The following ANKRD55 variants were observed in gnomAD, a reference collection of about 807,000 sequenced individuals.
The protein encoded by ANKRD55 is ankyrin repeat domain-containing protein 55.
Under a neutral mutation model 60.6 loss-of-function variants are expected in ANKRD55, and 41 were observed. That is an observed-to-expected ratio of 0.68 (90% CI 0.53 to 0.88). The LOEUF is 0.88. Among genes scored for constraint, ANKRD55 ranks in the 40% least tolerant of loss-of-function variants. The probability of loss-of-function intolerance (pLI) is 0.00; values close to 1 mark genes in which losing one functional copy is unlikely to be tolerated. For synonymous variants in ANKRD55, 264 were observed against 290.3 expected (o/e 0.91, Z 0.92); for missense variants, 732 against 767.6 (o/e 0.95, Z 0.55).
rs543236188 is a variant in ANKRD55, at chr5:56,152,714, C to T, written c.483+7119G>A. Among the ~76,000 whole-genome samples, 4 of 152,132 alleles carry T rather than the reference C, an allele frequency of 2.6e-5. No individual in the cohort carries two copies. In the South Asian group the frequency reaches 8.3e-4, roughly 32 times the overall value. On this transcript the variant is annotated intron_variant, in intron 6 of 11. Coordinates refer to ENST00000341048, the MANE Select transcript of ANKRD55 (RefSeq NM_024669.3). ...TCAGTGTTAACCGCAGTGTGGATAACTTCTAAATAAGTCAGTTTATAATTA... is the reference window on the plus strand; with the variant it reads ...TCAGTGTTAACCGCAGTGTGGATAATTTCTAAATAAGTCAGTTTATAATTA...
At chr5:56,161,734 C>T (rs1412146376) in intron 5 of ANKRD55, among the ~76,000 whole-genome samples, 1 of 152,092 alleles carries the variant, frequency 6.6e-6, no homozygotes, top group East Asian at 1.9e-4. Context: ...GGGGTAGTAA[C>T]GCAGTGGTGT....
intron 6 of ANKRD55, among the ~76,000 whole-genome samples, chr5:56,149,565 T>A (rs145854674): frequency 6.6e-6 from 1 of 152,206 alleles, no homozygotes; most frequent in African/African-American, 2.4e-5. Flanking sequence ...TACATTCTTC[T>A]GCACTAAACT....
At chr5:56,109,079 A>ACACC (rs1554036215) in intron 10 of ANKRD55, among the ~76,000 whole-genome samples, 21 of 140,330 alleles carry the variant, frequency 1.5e-4, no homozygotes, top group Admixed American at 2.8e-4. Context: ...ACACACACAC[A>ACACC]CCCCACCGCC....
intron 3 of ANKRD55, among the ~76,000 whole-genome samples, chr5:56,180,932 C>T (rs554534731): frequency 2.6e-5 from 4 of 152,178 alleles, no homozygotes; most frequent in Non-Finnish European, 5.9e-5. Context: ...GGGCCAGTGG[C>T]TCACACCTGT....
rs1200720632 is a variant in ANKRD55 at position 56,197,754 on chromosome 5, A to T, written c.59-14120T>A. ...CATAAATTTCAGAGGAGTTTTTCTT[A>T]CTGTAATGAGATACGAAAATAAACC... On this transcript the variant is annotated intron_variant, in intron 2 of 11. Coordinates refer to ENST00000341048, the MANE Select transcript of ANKRD55 (RefSeq NM_024669.3). Among the ~76,000 whole-genome samples the T allele has an allele frequency of 9.9e-5, 15 of 152,284 alleles. 1 individual carries two copies. The highest frequency in any genetic ancestry group is 1.9e-4 in the Non-Finnish European group (13 of 67,994).
At chr5:56,168,404 A>C (rs1758533810) in intron 5 of ANKRD55, among the ~76,000 whole-genome samples, 1 of 152,206 alleles carries the variant, frequency 6.6e-6, no homozygotes, top group African/African-American at 2.4e-5. Flanking sequence ...GTCACTTAGG[A>C]GACAGCTCGG....
chr5:56,220,363 G>A (rs1447680519), intron 2 of ANKRD55, among the ~76,000 whole-genome samples: 2 of 152,142 alleles, frequency 1.3e-5, no homozygotes, highest in Non-Finnish European at 2.9e-5. Context: ...TGTCCTAGGG[G>A]GTAAGAAATG....
At chr5:56,137,658 A>G in intron 7 of ANKRD55, 1 of 490,488 alleles carries the variant, frequency 2.0e-6, no homozygotes, top group South Asian at 2.4e-5. Flanking sequence ...ATAATAATCC[A>G]TGGAAGAAAA....
At chr5:56,115,913 G>T (rs1308666943) in intron 9 of ANKRD55, among the ~76,000 whole-genome samples, 1 of 151,950 alleles carries the variant, frequency 6.6e-6, no homozygotes, top group Admixed American at 6.6e-5. Context: ...GGAGTGCAAT[G>T]GAGTGATCTC....
At position 56,127,177 on chromosome 5, in the gene ANKRD55, T is replaced by C. The variant is rs958116671; in HGVS notation, c.613-71A>G. 8 of 1,294,898 alleles carry C rather than the reference T, an allele frequency of 6.2e-6. No individual in the cohort carries two copies. The East Asian group carries it at 1.1e-4, about 19-fold the overall frequency. 80.2% of individuals were successfully genotyped at this position (1,294,898 alleles called of 1,614,324 possible). The stretch of plus-strand genomic sequence containing the variant: ...TCTTCTCTGTCTAGGCATGTTAAGA[T>C]AAAAATACAAAGGAAAAAAAGGAAA... On this transcript the variant is annotated intron_variant, in intron 7 of 11. Coordinates refer to ENST00000341048, the MANE Select transcript of ANKRD55 (RefSeq NM_024669.3).
intron 2 of ANKRD55, among the ~76,000 whole-genome samples, chr5:56,206,052 C>T (rs1175453866): frequency 2.0e-5 from 3 of 151,366 alleles, no homozygotes; most frequent in East Asian, 1.9e-4. Context: ...CACAGTTCAC[C>T]GCAGCCTCAA....
intron 7 of ANKRD55, chr5:56,136,957 T>A: frequency 2.0e-6 from 1 of 510,246 alleles, no homozygotes; most frequent in Non-Finnish European, 3.7e-6. Flanking sequence ...TTTCCCTAAG[T>A]GGCCTCAGCT....
rs772702913 is a variant in ANKRD55, at chr5:56,183,624, A to G, written c.69T>C (p.Ser23=). 8.1e-6 allele frequency: 13 copies of G among 1,614,170 alleles called. No homozygotes were observed. In the South Asian group the frequency reaches 1.3e-4, roughly 16 times the overall value. The change falls in exon 3 of 12, where the codon TCT becomes TCC. Residue 23 remains serine, a synonymous_variant. Coordinates refer to ENST00000341048, the MANE Select transcript of ANKRD55 (RefSeq NM_024669.3). ...SVFDQQRGDS[S]EEVDLTMVYQ... is the part of the protein sequence containing the mutation. Reference sequence around the variant, plus strand: ...AAACCATGGTCAGGTCAACTTCCTCAGATGAGTCACCTTCATGCATAAAAC... The same window carrying G: ...AAACCATGGTCAGGTCAACTTCCTCGGATGAGTCACCTTCATGCATAAAAC...
intron 2 of ANKRD55, chr5:56,192,923 A>G: frequency 1.6e-6 from 1 of 634,816 alleles, no homozygotes; most frequent in Non-Finnish European, 2.7e-6. Flanking sequence ...TTCAGAAGAA[A>G]ATAAAGACTT....
At chr5:56,160,334 A>G (rs1352177712) in intron 5 of ANKRD55, among the ~76,000 whole-genome samples, 1 of 152,094 alleles carries the variant, frequency 6.6e-6, no homozygotes, top group Non-Finnish European at 1.5e-5. Context: ...CGCCTCCCGG[A>G]TTAGCACCAT....
At chr5:56,219,269 C>T (rs1337684131) in intron 2 of ANKRD55, among the ~76,000 whole-genome samples, 2 of 102,174 alleles carry the variant, frequency 2.0e-5, no homozygotes, top group Non-Finnish European at 1.8e-5. Context: ...CAAGACTCTG[C>T]CTCCAAAAAA....
intron 3 of ANKRD55, among the ~76,000 whole-genome samples, chr5:56,177,689 T>G (rs173605): frequency 6.6e-6 from 1 of 151,842 alleles, no homozygotes; most frequent in East Asian, 1.9e-4. Flanking sequence ...GCAGGAGAAT[T>G]GCTTGAACCC....
At position 56,116,993 on chromosome 5, in the gene ANKRD55, A is replaced by G. The variant is rs569158798; in HGVS notation, c.798-211T>C. The G allele has an allele frequency of 1.2e-4, 58 of 464,238 alleles. No individual in the cohort carries two copies. The South Asian group carries it at 1.8e-3, about 14-fold the overall frequency. The allele number at this position is 464,238 out of a possible 1,614,324, so 28.8% of individuals were successfully genotyped here. On this transcript the variant is annotated intron_variant, in intron 8 of 11. Coordinates refer to ENST00000341048, the MANE Select transcript of ANKRD55 (RefSeq NM_024669.3). Reference sequence around the variant, plus strand: ...CCTCTAGCTCTAAGTATTCCCTGCCATCTACACTCTCTGGCCTTTCTAACA... The same window carrying G: ...CCTCTAGCTCTAAGTATTCCCTGCCGTCTACACTCTCTGGCCTTTCTAACA...
At chr5:56,154,970 G>A (rs548551714) in intron 6 of ANKRD55, among the ~76,000 whole-genome samples, 3 of 152,192 alleles carry the variant, frequency 2.0e-5, no homozygotes, top group South Asian at 2.1e-4. Flanking sequence ...GGTGGTGCAC[G>A]CCTATAATCC....
Sources: gnomAD v4.1 joint callset for allele counts (sites outside exome capture counted in the v4.1 genomes callset) on GRCh38, gnomAD v4.1.1 for gene constraint, MANE v1.5 for transcripts, NCBI Gene and HGNC (gene_info 2026-07-23, HGNC 2026-07-21) for gene names.